TLK1: variants seen among roughly 807,000 people sequenced by gnomAD.
The protein encoded by TLK1 is serine/threonine-protein kinase tousled-like 1.
In TLK1, 24 loss-of-function variants were observed where a neutral mutation model predicts 105.3. The ratio of observed to expected loss-of-function variants is 0.23; its 90% CI spans 0.17 to 0.32. TLK1 has a LOEUF of 0.32. TLK1 is among the 10% of genes least tolerant of loss of function. The pLI is 1.00. For missense variants in TLK1, 558 were observed against 910.5 expected (o/e 0.61, Z 4.98); for synonymous variants, 321 against 310.4 (o/e 1.03, Z -0.36).
At chr2:171,100,517 ACTC>A (rs946384145) in intron 2 of TLK1, among the ~76,000 whole-genome samples, 2 of 151,564 alleles carry the variant, frequency 1.3e-5, no homozygotes, top group Non-Finnish European at 2.9e-5. Context: ...GAAATGTAAA[ACTC>A]CTCGCCAGAA....
At chr2:171,020,206 A>C (rs2105380659) in intron 12 of TLK1, among the ~76,000 whole-genome samples, 1 of 152,192 alleles carries the variant, frequency 6.6e-6, no homozygotes, top group South Asian at 2.1e-4. Context: ...AAAGTTTACC[A>C]CCAAGAAAGG....
At chr2:171,061,936 G>A (rs1026464930) in intron 3 of TLK1, among the ~76,000 whole-genome samples, 7 of 152,066 alleles carry the variant, frequency 4.6e-5, no homozygotes, top group Non-Finnish European at 5.9e-5. Context: ...ACATTACAAC[G>A]GCAGAGCTGA....
At chr2:171,084,482 G>C (rs528015632) in intron 2 of TLK1, among the ~76,000 whole-genome samples, 1 of 152,156 alleles carries the variant, frequency 6.6e-6, no homozygotes, top group African/African-American at 2.4e-5. Flanking sequence ...AGCAATCTCA[G>C]AAAGCAAATG....
intron 2 of TLK1, among the ~76,000 whole-genome samples, chr2:171,084,813 G>A (rs912671097): frequency 1.3e-5 from 2 of 151,768 alleles, no homozygotes; most frequent in African/African-American, 2.4e-5. Flanking sequence ...CAAAAAACTC[G>A]GAAATAAGGT....
intron 1 of TLK1, among the ~76,000 whole-genome samples, chr2:171,148,951 G>A (rs944707297): frequency 6.2e-5 from 9 of 144,734 alleles, no homozygotes; most frequent in Admixed American, 2.1e-4. Flanking sequence ...GTGTATGTGC[G>A]ATATATATAT....
At chr2:171,194,355 A>T (rs1693219114) in intron 1 of TLK1, among the ~76,000 whole-genome samples, 1 of 152,234 alleles carries the variant, frequency 6.6e-6, no homozygotes, top group African/African-American at 2.4e-5. Context: ...AGAAGAGAGG[A>T]ATGTAAAGAA....
chr2:170,993,683 A>AAAAG lies in TLK1; in HGVS notation c.*96_*97insCTTT. 2.1e-6 allele frequency: 2 copies of AAAAG among 974,998 alleles called. No homozygotes were observed. The highest frequency in any genetic ancestry group is 3.5e-5 in the Admixed American group (1 of 28,516). 60.4% of individuals were successfully genotyped at this position (974,998 alleles called of 1,614,324 possible). A position where few individuals can be genotyped will look rare whatever the true frequency, so the allele number is the denominator to read the frequency against. ...ACGTCTTGTGTAAAAAAAAAAAAAA[A>AAAAG]AAAAAAAGAAAAAGAAAACAAACAC... is the stretch of plus-strand genomic sequence containing the variant. On this transcript the variant is annotated 3_prime_UTR_variant, in exon 21 of 21. Coordinates refer to ENST00000431350, the MANE Select transcript of TLK1 (RefSeq NM_012290.5).
chr2:171,029,471 C>T (rs1393168964), intron 11 of TLK1, among the ~76,000 whole-genome samples: 1 of 151,938 alleles, frequency 6.6e-6, no homozygotes, highest in African/African-American at 2.4e-5. Flanking sequence ...CTCAATCTCC[C>T]TCACCCCCAA....
chr2:171,066,862 C>T, intron 3 of TLK1: 2 of 1,552,270 alleles, frequency 1.3e-6, no homozygotes, highest in Non-Finnish European at 1.7e-6. Flanking sequence ...GTTTTCAAAT[C>T]ATACAAGAAT....
chr2:171,017,224 T>C (rs1241317723), intron 12 of TLK1, among the ~76,000 whole-genome samples: 1 of 152,190 alleles, frequency 6.6e-6, no homozygotes, highest in Non-Finnish European at 1.5e-5. Flanking sequence ...TAAATTAATT[T>C]ACACTAGAAA....
chr2:171,081,669 C>A (rs764846586), intron 3 of TLK1: 1 of 1,304,110 alleles, frequency 7.7e-7, no homozygotes, highest in Admixed American at 2.3e-5. Flanking sequence ...GATAAAGTCC[C>A]GTCACTTGCA....
chr2:171,194,795 CG>C lies in TLK1; in HGVS notation c.-6+36349del, dbSNP rs1693232897. Among the ~76,000 whole-genome samples, 3 of 126,898 alleles carry C rather than the reference CG, an allele frequency of 2.4e-5. No individual in the cohort carries two copies. In the South Asian group the frequency reaches 7.1e-4, roughly 30 times the overall value. 83.3% of individuals were successfully genotyped at this position (126,898 alleles called of 152,430 possible). A position where few individuals can be genotyped will look rare whatever the true frequency, so the allele number is the denominator to read the frequency against. ...TCGCGCCACTGCACTCCAGCCTGGG[CG>C]ACAGAGCGAGACTCCGTCTCAGGGA... On this transcript the variant is annotated intron_variant, in intron 1 of 20. Coordinates refer to the TLK1 transcript ENST00000521943.
intron 5 of TLK1, among the ~76,000 whole-genome samples, chr2:171,056,923 A>G (rs907687495): frequency 2.6e-5 from 4 of 152,028 alleles, no homozygotes; most frequent in Non-Finnish European, 5.9e-5. Flanking sequence ...ATTGAGCCAT[A>G]TAGTCCCTAA....
intron 1 of TLK1, among the ~76,000 whole-genome samples, chr2:171,199,091 G>C (rs1693350042): frequency 6.6e-6 from 1 of 152,222 alleles, no homozygotes; most frequent in South Asian, 2.1e-4. Flanking sequence ...CTGTAACTAA[G>C]TTGTTTGCAG....
At chr2:171,083,442 A>G (rs977984177) in intron 2 of TLK1, among the ~76,000 whole-genome samples, 1 of 152,214 alleles carries the variant, frequency 6.6e-6, no homozygotes, top group Non-Finnish European at 1.5e-5. Context: ...GTAACAAAGA[A>G]AGAGCTAACA....
intron 1 of TLK1, among the ~76,000 whole-genome samples, chr2:171,150,213 A>G (rs189087649): frequency 6.6e-6 from 1 of 152,324 alleles, no homozygotes. Flanking sequence ...CTTCAAAAAA[A>G]TAATCTGGCA....
rs1172961537 is a variant in TLK1, at chr2:170,991,734, T to C, written c.*2046A>G. 6.6e-6 allele frequency: 1 copy of C among 152,218 alleles called. No individual in the cohort carries two copies. Among genetic ancestry groups the C allele is most frequent in the East Asian group, 1.9e-4 (1 of 5,200 alleles). The allele number at this position is 152,218 out of a possible 1,614,324, so 9.4% of individuals were successfully genotyped here. On this transcript the variant is annotated 3_prime_UTR_variant, in exon 21 of 21. Transcript: ENST00000431350. ...ACATTCACTTCGTATCTCCCCAAAA[T>C]TTTAAGCACAACAGGCATTTCCTTT...
At chr2:171,139,973 C>T (rs1458130845) in intron 1 of TLK1, among the ~76,000 whole-genome samples, 1 of 152,196 alleles carries the variant, frequency 6.6e-6, no homozygotes, top group Non-Finnish European at 1.5e-5. Context: ...GAATCTAATG[C>T]CACGGATGAT....
rs1013277354 is a variant in TLK1 at position 171,125,818 on chromosome 2, T to C, written c.140-7961A>G. Among the ~76,000 whole-genome samples the C allele has an allele frequency of 5.3e-5, 8 of 152,306 alleles. No homozygotes were observed. The South Asian group carries it at 6.2e-4, about 12-fold the overall frequency. The stretch of plus-strand genomic sequence containing the variant: ...GATTTCTGAGATTTTGGTGCACCCA[T>C]CACCTGAAAGAATTATTCTTTTTTG... On this transcript the variant is annotated intron_variant, in intron 1 of 20. Coordinates refer to ENST00000431350, the MANE Select transcript of TLK1 (RefSeq NM_012290.5).
Sources: gnomAD v4.1 joint callset for allele counts (sites outside exome capture counted in the v4.1 genomes callset) on GRCh38, gnomAD v4.1.1 for gene constraint, MANE v1.5 for transcripts, NCBI Gene and HGNC (gene_info 2026-07-23, HGNC 2026-07-21) for gene names.